FBXL7: variants seen among roughly 807,000 people sequenced by gnomAD.
The protein encoded by FBXL7 is F-box and leucine rich repeat protein 7.
A neutral mutation model predicts 38.3 loss-of-function variants in FBXL7; 12 were observed. The observed-to-expected ratio is 0.31, with a 90% CI of 0.20 to 0.51. FBXL7 has a LOEUF of 0.51. Ranked by LOEUF, FBXL7 falls within the 20% of genes least tolerant of loss-of-function variation. The probability of loss-of-function intolerance (pLI) is 0.98; values close to 1 mark genes in which losing one functional copy is unlikely to be tolerated. For missense variants in FBXL7, 567 were observed against 676.4 expected (o/e 0.84, Z 1.79); for synonymous variants, 297 against 300.9 (o/e 0.99, Z 0.13).
chr5:15,516,838 G>C (rs999968590), intron 1 of FBXL7, among the ~76,000 whole-genome samples: 1 of 152,030 alleles, frequency 6.6e-6, no homozygotes, highest in African/African-American at 2.4e-5. Context: ...ATGTGAGGAA[G>C]GACGCATTTG....
In FBXL7 at chr5:15,729,525, A is replaced by G. The variant is rs547037078; in HGVS notation, c.127+113453A>G. ...AAAGAAAAAATTACTGTTATTTCAA[A>G]CCAGCACTAAATAAATTTAATAAAA... On this transcript the variant is annotated intron_variant, in intron 2 of 3. Transcript: ENST00000504595. Among the ~76,000 whole-genome samples the G allele has an allele frequency of 4.3e-4, 65 of 152,284 alleles. 2 individuals carry two copies. In the South Asian group the frequency reaches 0.013, roughly 30 times the overall value.
At chr5:15,597,717 T>C (rs62347911) in intron 1 of FBXL7, among the ~76,000 whole-genome samples, 15,083 of 152,150 alleles carry the variant, frequency 0.099, 863 homozygotes, top group Middle Eastern at 0.16. Flanking sequence ...CCCTTCACCT[T>C]TATGGATGAA....
chr5:15,574,038 C>G (rs1195541669), intron 1 of FBXL7, among the ~76,000 whole-genome samples: 1 of 152,182 alleles, frequency 6.6e-6, no homozygotes, highest in Non-Finnish European at 1.5e-5. Context: ...TTTAAGACTT[C>G]TGAGTGGAAT....
At chr5:15,633,967 G>A (rs1741087593) in intron 2 of FBXL7, among the ~76,000 whole-genome samples, 3 of 151,490 alleles carry the variant, frequency 2.0e-5, no homozygotes. Context: ...TTTTAGTAGA[G>A]ATGGGGTTTT....
chr5:15,854,847 C>A (rs1044022851), intron 2 of FBXL7, among the ~76,000 whole-genome samples: 1 of 152,106 alleles, frequency 6.6e-6, no homozygotes, highest in African/African-American at 2.4e-5. Context: ...CTCACAAATA[C>A]ACTAAACTAT....
chr5:15,664,788 T>C (rs1323493527), intron 2 of FBXL7, among the ~76,000 whole-genome samples: 4 of 151,932 alleles, frequency 2.6e-5, no homozygotes, highest in Non-Finnish European at 5.9e-5. Flanking sequence ...TCTTCAAGCG[T>C]CCTAACTCCT....
intron 2 of FBXL7, among the ~76,000 whole-genome samples, chr5:15,833,108 C>T (rs534817872): frequency 6.6e-6 from 1 of 152,150 alleles, no homozygotes; most frequent in Non-Finnish European, 1.5e-5. Flanking sequence ...ATTGATTAAA[C>T]CTCTTTCTTT....
At chr5:15,539,184 C>T (rs1189832347) in intron 1 of FBXL7, among the ~76,000 whole-genome samples, 3 of 152,124 alleles carry the variant, frequency 2.0e-5, no homozygotes, top group Non-Finnish European at 2.9e-5. Context: ...TGCAACAGTA[C>T]CATCTCATTA....
intron 2 of FBXL7, among the ~76,000 whole-genome samples, chr5:15,670,507 G>C (rs1332884822): frequency 1.3e-5 from 2 of 152,106 alleles, no homozygotes; most frequent in Non-Finnish European, 2.9e-5. Context: ...CAAAGTCAAA[G>C]TTAGTGGAAT....
intron 1 of FBXL7, among the ~76,000 whole-genome samples, chr5:15,575,830 T>C (rs1366835538): frequency 6.6e-6 from 1 of 152,218 alleles, no homozygotes; most frequent in African/African-American, 2.4e-5. Flanking sequence ...TAGCACAATA[T>C]GCCTGTCTCA....
chr5:15,781,426 TGTGTGAGTGTGTGTGTGTGTGTGC>T (rs1579457222), intron 2 of FBXL7, among the ~76,000 whole-genome samples: 1 of 145,008 alleles, frequency 6.9e-6, no homozygotes, highest in East Asian at 2.2e-4. Flanking sequence ...AAGGAGAAAT[TGTGTGAGTGTGTGTGTGTGTGTGC>T]GCGCGCGTGT....
intron 2 of FBXL7, among the ~76,000 whole-genome samples, chr5:15,820,637 T>A (rs1262004618): frequency 1.3e-5 from 2 of 152,152 alleles, no homozygotes; most frequent in Non-Finnish European, 2.9e-5. Flanking sequence ...TTATGTATGC[T>A]TTTCTTTTTG....
chr5:15,503,706 C>A (rs1736564191), intron 1 of FBXL7, among the ~76,000 whole-genome samples: 1 of 152,168 alleles, frequency 6.6e-6, no homozygotes, highest in Non-Finnish European at 1.5e-5. Context: ...GTTCGTTGCT[C>A]AATTAAATTC....
At chr5:15,596,055 G>A (rs1196634892) in intron 1 of FBXL7, among the ~76,000 whole-genome samples, 1 of 152,118 alleles carries the variant, frequency 6.6e-6, no homozygotes, top group East Asian at 1.9e-4. Context: ...TGACAGAAGG[G>A]AAAAATGGAG....
chr5:15,837,792 G>T (rs1738632650), intron 2 of FBXL7, among the ~76,000 whole-genome samples: 1 of 152,078 alleles, frequency 6.6e-6, no homozygotes, highest in African/African-American at 2.4e-5. Flanking sequence ...AGAAAGGAAT[G>T]TGAGGTCTGC....
intron 2 of FBXL7, among the ~76,000 whole-genome samples, chr5:15,845,606 A>C (rs898772887): frequency 6.6e-6 from 1 of 152,222 alleles, no homozygotes; most frequent in African/African-American, 2.4e-5. Context: ...TTAAAAGTAG[A>C]TTAAACATTA....
chr5:15,850,709 T>G (rs1211662133), intron 2 of FBXL7, among the ~76,000 whole-genome samples: 2 of 152,228 alleles, frequency 1.3e-5, no homozygotes, highest in African/African-American at 2.4e-5. Flanking sequence ...CATGTTCCCA[T>G]TACCCATGAG....
chr5:15,836,758 A>G (rs1187734246), intron 2 of FBXL7, among the ~76,000 whole-genome samples: 1 of 152,178 alleles, frequency 6.6e-6, no homozygotes, highest in Non-Finnish European at 1.5e-5. Flanking sequence ...TTAGGAGCAG[A>G]GGGTAATGTG....
chr5:15,731,072 A>G (rs574672443), intron 2 of FBXL7, among the ~76,000 whole-genome samples: 1 of 152,238 alleles, frequency 6.6e-6, no homozygotes, highest in East Asian at 1.9e-4. Context: ...GGCAGTTTGG[A>G]CCCCAGAGAC....
Sources: gnomAD v4.1 joint callset for allele counts (sites outside exome capture counted in the v4.1 genomes callset) on GRCh38, gnomAD v4.1.1 for gene constraint, MANE v1.5 for transcripts, NCBI Gene and HGNC (gene_info 2026-07-23, HGNC 2026-07-21) for gene names.